ACP3: variants seen among roughly 807,000 people sequenced by gnomAD.
The protein encoded by ACP3 is acid phosphatase 3, also known as prostatic acid phosphatase.
Under a neutral mutation model 45.6 loss-of-function variants are expected in ACP3, and 38 were observed. That is an observed-to-expected ratio of 0.83 (90% CI 0.64 to 1.09). The LOEUF (loss-of-function observed/expected upper bound fraction) is 1.09. Among genes scored for constraint, ACP3 ranks in the 50% least tolerant of loss-of-function variants. The probability of loss-of-function intolerance (pLI) is 0.00; values close to 1 mark genes in which losing one functional copy is unlikely to be tolerated. For missense variants in ACP3, 466 were observed against 463.2 expected, an observed-to-expected ratio of 1.01 and a Z score of -0.05; for synonymous variants, 162 against 164.7, an observed-to-expected ratio of 0.98 and a Z score of 0.13.
chr3:132,361,011 G>A (rs896625900), downstream of ACP3, among the ~76,000 whole-genome samples: 1 of 152,160 alleles, frequency 6.6e-6, no homozygotes, highest in African/African-American at 2.4e-5. Context: ...ATAAATAAGA[G>A]AGAGAAGCTA....
chr3:132,327,295 C>T lies in ACP3; in HGVS notation c.121-972C>T, dbSNP rs140975652. Among the ~76,000 whole-genome samples, 1,447 of 152,270 alleles carry T rather than the reference C, an allele frequency of 9.5e-3. 31 individuals are homozygous for T. Among genetic ancestry groups the T allele is most frequent in the African/African-American group, 0.033 (1,364 of 41,544 alleles). On this transcript the variant is annotated intron_variant, in intron 1 of 9. Coordinates refer to ENST00000336375, the MANE Select transcript of ACP3 (RefSeq NM_001099.5). ...CTTTGGGAGGCCAAGGCAGGTGGAT[C>T]ACTAGGTCAGGAGTTCAAGACCAGC...
Position 132,321,037 on chromosome 3 carries a change from T to C in ACP3, c.120+3461T>C, listed in dbSNP as rs1212472343. 5.9e-5 allele frequency among the ~76,000 whole-genome samples: 9 copies of C among 152,092 alleles called. 1 individual carries two copies. The highest frequency in any genetic ancestry group is 3.3e-4 in the Admixed American group (5 of 15,282). ...ATGGGTAACTTCCACATTATGGACA[T>C]GAAGGACCTCCTAGCTACTAGGGAA... On this transcript the variant is annotated intron_variant, in intron 1 of 9. Transcript: ENST00000336375.
rs890102653 is a variant in ACP3, at chr3:132,326,893, T to A, written c.121-1374T>A. On this transcript the variant is annotated intron_variant, in intron 1 of 9. Coordinates refer to ENST00000336375, the MANE Select transcript of ACP3 (RefSeq NM_001099.5). ...AATATTTGCTGACATCAGTGTAGACTTCATCTTGTAGTTCTTCAGTGTTTT... is the reference window on the plus strand; with the variant it reads ...AATATTTGCTGACATCAGTGTAGACATCATCTTGTAGTTCTTCAGTGTTTT... Among the ~76,000 whole-genome samples the A allele has an allele frequency of 5.3e-5, 8 of 152,328 alleles. No individual in the cohort carries two copies. The South Asian group carries it at 1.7e-3, about 32-fold the overall frequency.
chr3:132,340,277 T>C (rs1198622631), intron 5 of ACP3, among the ~76,000 whole-genome samples: 1 of 146,948 alleles, frequency 6.8e-6, no homozygotes, highest in Non-Finnish European at 1.5e-5. Context: ...ATGGCGCCAC[T>C]GCATTCCAGC....
intron 6 of ACP3, 66 bp from the exon 7 acceptor site, chr3:132,344,861 A>G (rs1937590391): frequency 1.3e-6 from 2 of 1,569,376 alleles, no homozygotes; most frequent in Admixed American, 1.8e-5. Context: ...GTGAAAAAGG[A>G]TAAGTCAACA....
intron 1 of ACP3, among the ~76,000 whole-genome samples, chr3:132,318,612 G>A (rs1014694595): frequency 6.6e-6 from 1 of 151,456 alleles, no homozygotes; most frequent in African/African-American, 2.4e-5. Context: ...ATCCTTACTA[G>A]GTCATGAGTC....
intron 8 of ACP3, among the ~76,000 whole-genome samples, chr3:132,351,712 G>A (rs765292819): frequency 1.3e-5 from 2 of 151,838 alleles, no homozygotes; most frequent in Non-Finnish European, 2.9e-5. Flanking sequence ...TGTCATATCC[G>A]TAGCTCCTTT....
chr3:132,345,616 G>A (rs1187550585), intron 7 of ACP3, among the ~76,000 whole-genome samples: 1 of 152,170 alleles, frequency 6.6e-6, no homozygotes, highest in African/African-American at 2.4e-5. Flanking sequence ...AAAATATGTT[G>A]CAATTGACAA....
chr3:132,332,082 T>TA, intron 3 of ACP3, 110 bp from the exon 4 acceptor site: 1 of 1,195,548 alleles, frequency 8.4e-7, no homozygotes, highest in Non-Finnish European at 1.2e-6. Flanking sequence ...ACAATGTCTG[T>TA]AATATTTCAC....
chr3:132,326,576 A>G (rs764624096), intron 1 of ACP3, among the ~76,000 whole-genome samples: 8 of 152,156 alleles, frequency 5.3e-5, no homozygotes, highest in Non-Finnish European at 1.5e-5. Flanking sequence ...TCTGTAGACT[A>G]CTCTACCGAA....
chr3:132,345,186 C>T, intron 7 of ACP3, 127 bp downstream of exon 7: 1 of 828,252 alleles, frequency 1.2e-6, no homozygotes, highest in Non-Finnish European at 1.9e-6. Context: ...CACCAGCTTC[C>T]ATTCTGCAAA....
chr3:132,362,126 T>G (rs1261010381), downstream of ACP3, among the ~76,000 whole-genome samples: 2 of 152,216 alleles, frequency 1.3e-5, no homozygotes, highest in Non-Finnish European at 2.9e-5. Context: ...CATCTCTTTT[T>G]TTTTTAACTT....
chr3:132,356,615 TG>T, intron 9 of ACP3, 70 bp from the exon 10 acceptor site: 9 of 1,605,780 alleles, frequency 5.6e-6, no homozygotes, highest in Non-Finnish European at 7.6e-6. Flanking sequence ...ATAGTCCAAG[TG>T]GAAAGAAATT....
chr3:132,355,363 G>T (rs899445977), intron 9 of ACP3, among the ~76,000 whole-genome samples: 1 of 152,060 alleles, frequency 6.6e-6, no homozygotes, highest in Non-Finnish European at 1.5e-5. Flanking sequence ...GGTCATCTAG[G>T]CCATATCATC....
In ACP3 at chr3:132,342,621, G is replaced by GT. The variant is rs1466178975; in HGVS notation, c.626dup (p.Tyr210LeufsTer7). ...GGACCTTTTTGGAATTTGGAGTAAA[G>GT]TCTACGACCCTTTATATTGTGAGGT... is the stretch of plus-strand genomic sequence containing the variant. On this transcript the variant is annotated frameshift_variant, in exon 6 of 10. Coordinates refer to ENST00000336375, the MANE Select transcript of ACP3 (RefSeq NM_001099.5). LOFTEE classifies it high-confidence loss of function. The GT allele has an allele frequency of 1.9e-6, 3 of 1,607,150 alleles. No homozygotes were observed. The highest frequency in any genetic ancestry group is 2.5e-6 in the Non-Finnish European group (3 of 1,177,664).
chr3:132,317,689 C>T (rs1937135029), intron 1 of ACP3, 113 bp downstream of exon 1: 8 of 1,212,920 alleles, frequency 6.6e-6, no homozygotes, highest in Non-Finnish European at 8.8e-6. Flanking sequence ...AGACCAGGCT[C>T]TGTTCAAACT....
downstream of ACP3, among the ~76,000 whole-genome samples, chr3:132,363,061 CA>C (rs1938071534): frequency 6.6e-6 from 1 of 152,048 alleles, no homozygotes; most frequent in African/African-American, 2.4e-5. Context: ...AAATATTTTA[CA>C]GTACAAAGGA....
At chr3:132,341,595 T>A (rs1371479503) in intron 5 of ACP3, among the ~76,000 whole-genome samples, 2 of 152,362 alleles carry the variant, frequency 1.3e-5, no homozygotes, top group East Asian at 3.9e-4. Context: ...TCTTTGTCAG[T>A]ATCAGTGTTA....
chr3:132,363,194 C>T (rs981167429), downstream of ACP3, among the ~76,000 whole-genome samples: 1 of 152,130 alleles, frequency 6.6e-6, no homozygotes, highest in African/African-American at 2.4e-5. Flanking sequence ...CAGTATTAGC[C>T]AGTATACCCA....
Sources: allele counts gnomAD v4.1 joint callset (sites outside exome capture counted in the v4.1 genomes callset), GRCh38; gene constraint gnomAD v4.1.1; transcripts MANE v1.5; gene names NCBI Gene and HGNC (gene_info 2026-07-23, HGNC 2026-07-21).